AKAP12: variants seen among roughly 807,000 people sequenced by gnomAD.
The protein encoded by AKAP12 is A-kinase anchor protein 12.
Under a neutral mutation model 79.9 loss-of-function variants are expected in AKAP12, and 32 were observed. That is an observed-to-expected ratio of 0.40 (90% CI 0.30 to 0.54). The LOEUF (loss-of-function observed/expected upper bound fraction) is 0.54, where lower values mean the gene tolerates loss of function less well. Among genes scored for constraint, AKAP12 ranks in the 20% least tolerant of loss-of-function variants. AKAP12 has a pLI of 0.48. For missense variants in AKAP12, 2,074 were observed against 2,177.0 expected (o/e 0.95, Z 0.94); for synonymous variants, 808 against 857.0 (o/e 0.94, Z 1.00).
At chr6:151,339,906 T>C (rs111388966) in intron 3 of AKAP12, among the ~76,000 whole-genome samples, 52 of 152,246 alleles carry the variant, frequency 3.4e-4, no homozygotes, top group African/African-American at 1.2e-3. Flanking sequence ...TGTATTTTCA[T>C]GGCCTGATAA....
Position 151,350,157 on chromosome 6 carries a change from A to G in AKAP12, c.1766A>G (p.Asp589Gly), listed in dbSNP as rs766680423. ...LEKGLAEVQQ[D>G]GEAEEGATSD... The stretch of plus-strand genomic sequence containing the variant: ...AAGGGCTTAGCCGAGGTGCAGCAGG[A>G]TGGGGAAGCTGAAGAAGGAGCTACT... The change falls in exon 4 of 5, where the codon GAT (aspartate) becomes GGT (glycine). Residue 589 changes from aspartate to glycine, a missense_variant. Around this residue, in one of 3 missense-constraint regions of AKAP12, gnomAD observed 1,428 missense variants for 1,451.0 expected, o/e 0.98. Transcript: ENST00000402676. The surrounding 1 kb of genome is among the most constrained non-coding windows in gnomAD (Gnocchi z 4.8). 3 of 1,613,996 alleles carry G rather than the reference A, an allele frequency of 1.9e-6. No individual in the cohort carries two copies. The South Asian group carries it at 3.3e-5, about 18-fold the overall frequency.
At chr6:151,288,838 C>T (rs1040969119) in intron 2 of AKAP12, among the ~76,000 whole-genome samples, 3 of 152,184 alleles carry the variant, frequency 2.0e-5, no homozygotes, top group Non-Finnish European at 4.4e-5. Context: ...CTGTGTTCCG[C>T]TGTATTGCTG....
chr6:151,253,635 G>A (rs947071337), intron 2 of AKAP12, among the ~76,000 whole-genome samples: 1 of 152,152 alleles, frequency 6.6e-6, no homozygotes, highest in African/African-American at 2.4e-5. Context: ...GTACAAACTG[G>A]GAGGGAGAGG....
chr6:151,354,030 A>G (rs375061465), intron 4 of AKAP12, among the ~76,000 whole-genome samples: 3 of 152,300 alleles, frequency 2.0e-5, no homozygotes, highest in South Asian at 2.1e-4. Flanking sequence ...GTGTGTGCAC[A>G]TGTGCGTGTT....
chr6:151,264,220 G>C (rs781540129), intron 2 of AKAP12, among the ~76,000 whole-genome samples: 7 of 152,132 alleles, frequency 4.6e-5, no homozygotes, highest in Non-Finnish European at 1.0e-4. Context: ...GGAAGGAGAC[G>C]TGAATGAACT....
Position 151,350,753 on chromosome 6 carries a change from G to T in AKAP12, c.2362G>T (p.Gly788Cys), listed in dbSNP as rs796115677. The T allele has an allele frequency of 2.5e-6, 4 of 1,614,074 alleles. No homozygotes were observed. In the African/African-American group the frequency reaches 4.0e-5, roughly 16 times the overall value. ...EKSEDSIAGSGVEHSTPDTEP... is the reference protein window; with the variant it reads ...EKSEDSIAGSCVEHSTPDTEP... ...AAGCGAAGACTCCATAGCTGGGTCT[G>T]GTGTAGAACATTCCACTCCAGACAC... Residue 788 changes from glycine to cysteine, a missense_variant, in exon 4 of 5, where the codon GGT becomes TGT. Physicochemically the swap from Gly to Cys is radical, Grantham distance 159. Transcript: ENST00000402676. The surrounding 1 kb of genome is among the most constrained non-coding windows in gnomAD (Gnocchi z 4.8).
At chr6:151,324,258 T>A (rs145649220) in intron 3 of AKAP12, 11 of 985,300 alleles carry the variant, frequency 1.1e-5, no homozygotes, top group Non-Finnish European at 1.3e-5. Flanking sequence ...ACAAGGCCCA[T>A]CATTCCCTGT....
At chr6:151,283,692 C>T (rs1227491105) in intron 2 of AKAP12, among the ~76,000 whole-genome samples, 1 of 152,028 alleles carries the variant, frequency 6.6e-6, no homozygotes, top group Non-Finnish European at 1.5e-5. Flanking sequence ...CAGAGAATGC[C>T]TAAGAGAGGG....
intron 4 of AKAP12, among the ~76,000 whole-genome samples, chr6:151,354,212 A>G (rs927684714): frequency 2.2e-4 from 33 of 152,026 alleles, no homozygotes; most frequent in African/African-American, 7.7e-4. Flanking sequence ...AAACTGCCTG[A>G]AATATAGCTG....
At chr6:151,323,477 CG>C (rs1777450680) in intron 3 of AKAP12, among the ~76,000 whole-genome samples, 1 of 151,086 alleles carries the variant, frequency 6.6e-6, no homozygotes, top group South Asian at 2.1e-4. Flanking sequence ...CACTTGAACC[CG>C]GGGGTCAGAG....
At position 151,326,754 on chromosome 6, in the gene AKAP12, C is replaced by T. The variant is rs80115621; in HGVS notation, c.319+20851C>T. The stretch of plus-strand genomic sequence containing the variant: ...GTTTGTGAATTTAACTTTATAGGAA[C>T]AGGACTTCTTTATTCTTTAAATATT... On this transcript the variant is annotated intron_variant, in intron 3 of 4. Transcript: ENST00000402676. Among the ~76,000 whole-genome samples the T allele has an allele frequency of 4.2e-3, 643 of 152,198 alleles. 4 individuals are homozygous for T. Among genetic ancestry groups the T allele is most frequent in the African/African-American group, 0.015 (602 of 41,506 alleles).
intron 3 of AKAP12, among the ~76,000 whole-genome samples, chr6:151,332,609 G>A (rs1229435852): frequency 1.3e-5 from 2 of 152,152 alleles, no homozygotes; most frequent in Admixed American, 6.5e-5. Context: ...GGTTGATGTC[G>A]AAAGCCCTGT....
chr6:151,310,439 AT>A (rs1488447249), intron 3 of AKAP12, among the ~76,000 whole-genome samples: 2 of 152,076 alleles, frequency 1.3e-5, no homozygotes, highest in Non-Finnish European at 2.9e-5. Context: ...GCTGAGACCA[AT>A]TTTAGATTTA....
At chr6:151,318,423 T>G (rs1777283448) in intron 3 of AKAP12, among the ~76,000 whole-genome samples, 1 of 152,222 alleles carries the variant, frequency 6.6e-6, no homozygotes, top group Admixed American at 6.5e-5. Context: ...TCAAGTCCAT[T>G]TCTGTTGAGT....
chr6:151,255,241 C>T (rs1173143651), intron 2 of AKAP12, among the ~76,000 whole-genome samples: 4 of 151,928 alleles, frequency 2.6e-5, no homozygotes, highest in South Asian at 2.1e-4. Flanking sequence ...TCTCGGCTCA[C>T]GGCAACCTCT....
At chr6:151,334,215 TC>T (rs1250182796) in intron 3 of AKAP12, among the ~76,000 whole-genome samples, 63 of 152,340 alleles carry the variant, frequency 4.1e-4, no homozygotes, top group African/African-American at 1.5e-3. Context: ...TATTATGTGC[TC>T]CTTTTCTCCC....
chr6:151,319,529 T>TAG (rs1562736588), intron 3 of AKAP12: 1 of 147,044 alleles, frequency 6.8e-6, no homozygotes, highest in African/African-American at 2.5e-5. Flanking sequence ...TCTATATAGA[T>TAG]ATATATATAT....
chr6:151,255,252 G>T (rs559295437), intron 2 of AKAP12, among the ~76,000 whole-genome samples: 102 of 151,808 alleles, frequency 6.7e-4, no homozygotes, highest in African/African-American at 2.4e-3. Flanking sequence ...GGCAACCTCT[G>T]CCTCCCGGGT....
chr6:151,338,459 T>A (rs1273406627), intron 3 of AKAP12, among the ~76,000 whole-genome samples: 1 of 151,858 alleles, frequency 6.6e-6, no homozygotes, highest in African/African-American at 2.4e-5. Context: ...TTACTCATTT[T>A]TTTTTTTTTT....
Sources: gnomAD v4.1 joint callset for allele counts (sites outside exome capture counted in the v4.1 genomes callset) on GRCh38, gnomAD v4.1.1 for gene constraint, gnomAD v4.1.1 regional missense constraint, Gnocchi (gnomAD v3.1) non-coding constraint, MANE v1.5 for transcripts, NCBI Gene and HGNC (gene_info 2026-07-23, HGNC 2026-07-21) for gene names.